The following ITPRID1 variants were observed in gnomAD, a reference collection of about 807,000 sequenced individuals.
The protein encoded by ITPRID1 is protein ITPRID1.
Under a neutral mutation model 95.4 loss-of-function variants are expected in ITPRID1, and 96 were observed. The ratio of observed to expected loss-of-function variants is 1.01; its 90% CI spans 0.85 to 1.19. ITPRID1 has a LOEUF of 1.19. Among genes scored for constraint, ITPRID1 ranks in the 50% most tolerant of loss-of-function variants. The pLI, the probability that ITPRID1 is intolerant of heterozygous loss-of-function variation, is 0.00. For synonymous variants in ITPRID1, 510 were observed against 453.6 expected, an observed-to-expected ratio of 1.12 and a Z score of -1.58; for missense variants, 1,339 against 1,252.9, an observed-to-expected ratio of 1.07 and a Z score of -1.04.
intron 10 of ITPRID1, among the ~76,000 whole-genome samples, chr7:31,620,371 G>C (rs1406194559): frequency 1.3e-5 from 2 of 151,990 alleles, no homozygotes; most frequent in East Asian, 3.9e-4. Flanking sequence ...AGTAGGGGCA[G>C]ATTGACACCT....
chr7:31,633,806 A>C (rs1423835860), intron 10 of ITPRID1, among the ~76,000 whole-genome samples: 2 of 152,262 alleles, frequency 1.3e-5, no homozygotes, highest in African/African-American at 2.4e-5. Flanking sequence ...TGATGAAGAC[A>C]GTTAACTTCA....
intron 10 of ITPRID1, among the ~76,000 whole-genome samples, chr7:31,606,046 G>T (rs1191672905): frequency 1.3e-5 from 2 of 152,168 alleles, no homozygotes; most frequent in Non-Finnish European, 2.9e-5. Context: ...AACATAATAT[G>T]AATGTGTAGA....
chr7:31,623,621 A>G (rs899815202), intron 10 of ITPRID1, among the ~76,000 whole-genome samples: 46 of 131,038 alleles, frequency 3.5e-4, no homozygotes, highest in African/African-American at 1.2e-3. Context: ...AATAAGAGCT[A>G]TCTATGACAA....
At chr7:31,614,176 A>G (rs1419142458) in intron 10 of ITPRID1, among the ~76,000 whole-genome samples, 1 of 152,184 alleles carries the variant, frequency 6.6e-6, no homozygotes, top group Non-Finnish European at 1.5e-5. Flanking sequence ...AAACCATCCA[A>G]TGCTTAAAAT....
In ITPRID1 at chr7:31,527,738, A is replaced by G. The variant is rs573792067; in HGVS notation, c.-98+13618A>G. Among the ~76,000 whole-genome samples, 4 of 152,292 alleles carry G rather than the reference A, an allele frequency of 2.6e-5. No homozygotes were observed. The East Asian group carries it at 7.7e-4, about 29-fold the overall frequency. The stretch of plus-strand genomic sequence containing the variant: ...AATCCTCTCCTTTTCCCAAAACAAA[A>G]ACAACAGCAGCAGCAGCAACAATAA... On this transcript the variant is annotated intron_variant, in intron 1 of 14. Coordinates refer to ENST00000615280, the MANE Select transcript of ITPRID1 (RefSeq NM_001257967.3).
intron 1 of ITPRID1, among the ~76,000 whole-genome samples, chr7:31,546,198 A>C (rs1314738633): frequency 1.3e-5 from 2 of 152,076 alleles, no homozygotes; most frequent in South Asian, 4.2e-4. Context: ...ATTGATAACT[A>C]TTTACTGATT....
Position 31,578,044 on chromosome 7 carries a change from T to C in ITPRID1, c.780T>C (p.Ala260=). Residue 260 remains alanine, a synonymous_variant, in exon 9 of 15, where the codon GCT becomes GCC. Transcript: ENST00000615280. ...GAATGGGTAAACTCTTAAGGAGAGC[T>C]TCCAAACAGAACATCAGGCGGGATT... ...RRRMGKLLRR[A]SKQNIRRDCN... 1 of 1,613,752 alleles carries C rather than the reference T, an allele frequency of 6.2e-7. No individual in the cohort carries two copies. The highest frequency in any genetic ancestry group is 2.2e-5 in the East Asian group (1 of 44,844).
chr7:31,546,416 T>C (rs185010292), intron 1 of ITPRID1, among the ~76,000 whole-genome samples: 3 of 152,056 alleles, frequency 2.0e-5, no homozygotes, highest in East Asian at 1.9e-4. Flanking sequence ...TGTGTGTGTG[T>C]GCGTGCGCAT....
In ITPRID1 at chr7:31,654,461, G is replaced by A. The variant is rs1410149941; in HGVS notation, c.*1632G>A. ...GAAAGCCACTGTGGGTTTTAAGCAG[G>A]GTCGTCATATAATCTGATTTACGTT... On this transcript the variant is annotated 3_prime_UTR_variant, in exon 15 of 15. Coordinates refer to ENST00000615280, the MANE Select transcript of ITPRID1 (RefSeq NM_001257967.3). 1.3e-5 allele frequency among the ~76,000 whole-genome samples: 2 copies of A among 152,108 alleles called. No homozygotes were observed. Among genetic ancestry groups the A allele is most frequent in the East Asian group, 1.9e-4 (1 of 5,188 alleles).
chr7:31,528,442 A>G (rs1231264107), intron 1 of ITPRID1, among the ~76,000 whole-genome samples: 3 of 152,172 alleles, frequency 2.0e-5, no homozygotes, highest in Non-Finnish European at 4.4e-5. Flanking sequence ...ATCCTGGTGG[A>G]TGCTGAGACA....
intron 1 of ITPRID1, chr7:31,517,303 C>A (rs1583448936): frequency 1.3e-5 from 2 of 152,322 alleles, no homozygotes; most frequent in South Asian, 2.1e-4. Flanking sequence ...TCTGTTTTGG[C>A]AGAGTGCTGA....
intron 10 of ITPRID1, among the ~76,000 whole-genome samples, chr7:31,628,585 G>A (rs1158211026): frequency 6.6e-6 from 1 of 151,778 alleles, no homozygotes; most frequent in Non-Finnish European, 1.5e-5. Context: ...AGCCTCCCCA[G>A]CAGCTGGGAC....
chr7:31,520,535 G>A (rs949616617), intron 1 of ITPRID1, among the ~76,000 whole-genome samples: 4 of 51,820 alleles, frequency 7.7e-5, no homozygotes, highest in East Asian at 4.9e-4. Flanking sequence ...GTGTGTGTGT[G>A]TGTGTGTGTG....
chr7:31,589,521 C>A (rs1231979245), intron 10 of ITPRID1, among the ~76,000 whole-genome samples: 1 of 151,888 alleles, frequency 6.6e-6, no homozygotes, highest in Non-Finnish European at 1.5e-5. Flanking sequence ...AAAGAAATTA[C>A]AAAGAAAACC....
chr7:31,515,923 T>C (rs537488191), intron 1 of ITPRID1, among the ~76,000 whole-genome samples: 3 of 152,322 alleles, frequency 2.0e-5, no homozygotes, highest in South Asian at 2.1e-4. Context: ...TTCTGTTTCA[T>C]ATAAGATGAT....
At chr7:31,572,889 G>C (rs1384721139) in intron 7 of ITPRID1, among the ~76,000 whole-genome samples, 1 of 152,300 alleles carries the variant, frequency 6.6e-6, no homozygotes, top group Middle Eastern at 3.4e-3. Flanking sequence ...ACCTAGCATA[G>C]AACCTAGAAC....
intron 2 of ITPRID1, among the ~76,000 whole-genome samples, chr7:31,551,467 A>G (rs1784283210): frequency 7.0e-6 from 1 of 143,838 alleles, no homozygotes; most frequent in South Asian, 2.3e-4. Context: ...ATATTCCTAA[A>G]GTTAACTGGC....
chr7:31,587,739 A>G (rs1785681331), intron 10 of ITPRID1, among the ~76,000 whole-genome samples: 1 of 151,216 alleles, frequency 6.6e-6, no homozygotes, highest in African/African-American at 2.4e-5. Context: ...ACTTCAAACT[A>G]TACTACAAGG....
chr7:31,642,627 C>T, intron 11 of ITPRID1, 55 bp from the exon 12 acceptor site: 2 of 1,501,472 alleles, frequency 1.3e-6, no homozygotes, highest in Non-Finnish European at 1.8e-6. Flanking sequence ...CACCTTAAAC[C>T]TATTGCCTCC....
Sources: allele counts gnomAD v4.1 joint callset (sites outside exome capture counted in the v4.1 genomes callset), GRCh38; gene constraint gnomAD v4.1.1; transcripts MANE v1.5; gene names NCBI Gene and HGNC (gene_info 2026-07-23, HGNC 2026-07-21).